MELK: variants seen among roughly 807,000 people sequenced by gnomAD.
MELK encodes pEg3 kinase.
A neutral mutation model predicts 85.0 loss-of-function variants in MELK; 81 were observed. That is an observed-to-expected ratio of 0.95 (90% CI 0.80 to 1.15). The LOEUF is 1.15. MELK is among the 50% of genes most tolerant of loss of function. MELK has a pLI of 0.00. For missense variants in MELK, 754 were observed against 777.5 expected (o/e 0.97, Z 0.36); for synonymous variants, 252 against 265.0 (o/e 0.95, Z 0.48).
At chr9:36,636,532 A>G (rs1252068716) in intron 10 of MELK, among the ~76,000 whole-genome samples, 1 of 151,978 alleles carries the variant, frequency 6.6e-6, no homozygotes, top group Admixed American at 6.5e-5. Context: ...AAAAAACAGT[A>G]ATAATTTACA....
At chr9:36,590,121 C>T (rs933772008) in intron 4 of MELK, among the ~76,000 whole-genome samples, 2 of 151,794 alleles carry the variant, frequency 1.3e-5, no homozygotes, top group African/African-American at 4.8e-5. Context: ...CGGGGTTTCA[C>T]GTGTTAGCCA....
At chr9:36,655,453 GGAGAGA>G (rs66684364) in intron 12 of MELK, among the ~76,000 whole-genome samples, 1,891 of 147,746 alleles carry the variant, frequency 0.013, 16 homozygotes, top group Middle Eastern at 0.028. Flanking sequence ...TCAAGTAGGG[GGAGAGA>G]GAGAGAGAGA....
intron 11 of MELK, among the ~76,000 whole-genome samples, chr9:36,646,613 G>A (rs1000805109): frequency 3.3e-5 from 5 of 152,150 alleles, no homozygotes; most frequent in Non-Finnish European, 1.5e-5. Context: ...AGTGGCTCTG[G>A]ATTGTGGCAG....
chr9:36,609,481 T>C (rs1008868986), intron 8 of MELK, among the ~76,000 whole-genome samples: 5 of 149,960 alleles, frequency 3.3e-5, no homozygotes, highest in Non-Finnish European at 5.9e-5. Context: ...AAGGTCTTGC[T>C]GTGTCACCCA....
chr9:36,677,388 C>T lies in MELK; in HGVS notation c.*51C>T. 1 of 1,481,982 alleles carries T rather than the reference C, an allele frequency of 6.7e-7. No homozygotes were observed. The highest frequency in any genetic ancestry group is 9.1e-7 in the Non-Finnish European group (1 of 1,098,070). The allele number at this position is 1,481,982 out of a possible 1,614,324, so 91.8% of individuals were successfully genotyped here. On this transcript the variant is annotated 3_prime_UTR_variant, in exon 18 of 18. Transcript: ENST00000298048. ...ATGAGTGTGGGTGTGATACAGCCTA[C>T]ATAAAGACTGTTATGATCGCTTTGA...
chr9:36,587,770 A>AT (rs773265538), intron 3 of MELK, among the ~76,000 whole-genome samples: 1,466 of 130,440 alleles, frequency 0.011, 21 homozygotes, highest in African/African-American at 0.034. Context: ...CTAATTTTGT[A>AT]TTTTTTTTTT....
At chr9:36,651,162 C>G (rs556182536) in intron 11 of MELK, among the ~76,000 whole-genome samples, 1 of 152,274 alleles carries the variant, frequency 6.6e-6, no homozygotes, top group Admixed American at 6.5e-5. Context: ...ACTCCCTCCC[C>G]TCTTCTCACA....
At chr9:36,606,725 A>G (rs532606962) in intron 7 of MELK, 1 of 147,972 alleles carries the variant, frequency 6.8e-6, no homozygotes, top group East Asian at 1.9e-4. Context: ...ATGCATGCAT[A>G]TATATGTACA....
chr9:36,586,427 T>G (rs1822911139), intron 3 of MELK, among the ~76,000 whole-genome samples: 1 of 152,172 alleles, frequency 6.6e-6, no homozygotes, highest in Non-Finnish European at 1.5e-5. Flanking sequence ...TTCCTAAATA[T>G]ATGCTAAAAT....
intron 13 of MELK, among the ~76,000 whole-genome samples, chr9:36,662,602 T>C (rs1354877932): frequency 6.6e-6 from 1 of 152,216 alleles, no homozygotes; most frequent in Admixed American, 6.5e-5. Flanking sequence ...ACACTTAATC[T>C]CTGATTACCC....
At chr9:36,646,456 T>A (rs1350991745) in intron 11 of MELK, among the ~76,000 whole-genome samples, 1 of 152,198 alleles carries the variant, frequency 6.6e-6, no homozygotes, top group Non-Finnish European at 1.5e-5. Context: ...ACTCCCACTT[T>A]TATATTATAT....
At chr9:36,676,893 G>T (rs1017369693) in intron 17 of MELK, among the ~76,000 whole-genome samples, 24 of 152,304 alleles carry the variant, frequency 1.6e-4, no homozygotes, top group Admixed American at 2.0e-4. Context: ...GTATAGCTAT[G>T]AAACAGGGGC....
intron 8 of MELK, among the ~76,000 whole-genome samples, chr9:36,612,508 C>T (rs1441626547): frequency 6.6e-6 from 1 of 152,168 alleles, no homozygotes; most frequent in Non-Finnish European, 1.5e-5. Flanking sequence ...GCCTCAGCCT[C>T]CCAAGTAGCT....
At chr9:36,598,430 G>T (rs931050224) in intron 6 of MELK, among the ~76,000 whole-genome samples, 1 of 152,048 alleles carries the variant, frequency 6.6e-6, no homozygotes, top group African/African-American at 2.4e-5. Flanking sequence ...TGTTTCAGTT[G>T]TAAATGACAT....
In MELK at chr9:36,599,498, T is replaced by A; in HGVS notation, c.567+12T>A. 2 of 1,583,098 alleles carry A rather than the reference T, an allele frequency of 1.3e-6. No individual in the cohort carries two copies. The highest frequency in any genetic ancestry group is 1.7e-5 in the Admixed American group (1 of 59,846). On this transcript the variant is annotated intron_variant, in intron 7 of 17. Coordinates refer to ENST00000298048, the MANE Select transcript of MELK (RefSeq NM_014791.4). ...ATCTTGGATCAGAGGTAATTATTCA[T>A]TGATTAATTCATTATATAATCAGCA...
At chr9:36,676,695 T>A (rs1174085147) in intron 17 of MELK, among the ~76,000 whole-genome samples, 1 of 152,232 alleles carries the variant, frequency 6.6e-6, no homozygotes, top group Non-Finnish European at 1.5e-5. Flanking sequence ...CACGTGCCTT[T>A]CTGACAGGTT....
At chr9:36,582,381 G>T (rs1822341842) in intron 2 of MELK, among the ~76,000 whole-genome samples, 1 of 152,152 alleles carries the variant, frequency 6.6e-6, no homozygotes, top group Non-Finnish European at 1.5e-5. Flanking sequence ...TAGATAAAAG[G>T]TTGGATGAAG....
intron 10 of MELK, among the ~76,000 whole-genome samples, chr9:36,637,300 C>G (rs1462453788): frequency 6.6e-6 from 1 of 152,116 alleles, no homozygotes; most frequent in Non-Finnish European, 1.5e-5. Context: ...AATTCTTATT[C>G]CCTATTTATA....
intron 4 of MELK, among the ~76,000 whole-genome samples, chr9:36,593,665 G>A (rs900091319): frequency 2.0e-5 from 3 of 152,118 alleles, no homozygotes; most frequent in South Asian, 2.1e-4. Context: ...TTTAAGGTAC[G>A]TTTTTTGTTG....
Sources: allele counts gnomAD v4.1 joint callset (sites outside exome capture counted in the v4.1 genomes callset), GRCh38; gene constraint gnomAD v4.1.1; transcripts MANE v1.5; gene names NCBI Gene and HGNC (gene_info 2026-07-23, HGNC 2026-07-21).